Variants in KCNH1 observed in about 807,000 individuals in gnomAD.
KCNH1 encodes the protein potassium voltage-gated channel subfamily H member 1.
Under a neutral mutation model 69.2 loss-of-function variants are expected in KCNH1, and 27 were observed. The ratio of observed to expected loss-of-function variants is 0.39; its 90% CI spans 0.29 to 0.54. KCNH1 has a LOEUF of 0.54. KCNH1 is among the 20% of genes least tolerant of loss of function. The pLI is 0.68. For missense variants in KCNH1, 798 were observed against 1,261.6 expected, an observed-to-expected ratio of 0.63 and a Z score of 5.57; for synonymous variants, 456 against 487.7, an observed-to-expected ratio of 0.93 and a Z score of 0.86.
intron 6 of KCNH1, among the ~76,000 whole-genome samples, chr1:210,969,342 T>C (rs1688469761): frequency 6.6e-6 from 1 of 152,060 alleles, no homozygotes; most frequent in Non-Finnish European, 1.5e-5. Context: ...ATAAAAACTT[T>C]TTATATAAAA....
intron 5 of KCNH1, among the ~76,000 whole-genome samples, chr1:211,074,212 A>C (rs1264829939): frequency 6.6e-6 from 1 of 151,762 alleles, no homozygotes; most frequent in Non-Finnish European, 1.5e-5. Flanking sequence ...ACTGTATGTT[A>C]CATTAGAAGG....
At chr1:211,055,815 G>A (rs1180231943) in intron 5 of KCNH1, among the ~76,000 whole-genome samples, 1 of 152,224 alleles carries the variant, frequency 6.6e-6, no homozygotes, top group Non-Finnish European at 1.5e-5. Context: ...CCATGGGCCA[G>A]AAGGGAACCT....
chr1:210,940,747 G>A (rs1228131448), intron 6 of KCNH1, among the ~76,000 whole-genome samples: 2 of 152,134 alleles, frequency 1.3e-5, no homozygotes, highest in Admixed American at 6.5e-5. Context: ...ACACAGAAAA[G>A]AGAATCTGGT....
chr1:210,792,526 C>G (rs1195782069), intron 9 of KCNH1, among the ~76,000 whole-genome samples: 2 of 152,032 alleles, frequency 1.3e-5, no homozygotes, highest in African/African-American at 4.8e-5. Context: ...GTGTGATAGG[C>G]TTAATAGAAA....
At chr1:210,730,226 G>T (rs530543958) in intron 10 of KCNH1, among the ~76,000 whole-genome samples, 1 of 152,106 alleles carries the variant, frequency 6.6e-6, no homozygotes, top group Non-Finnish European at 1.5e-5. Context: ...CAAAGCTGCC[G>T]GCAGGAACTA....
At chr1:210,963,315 C>T (rs1688332990) in intron 6 of KCNH1, among the ~76,000 whole-genome samples, 1 of 152,074 alleles carries the variant, frequency 6.6e-6, no homozygotes, top group South Asian at 2.1e-4. Context: ...GTAGATAAAT[C>T]CACGAAGATG....
chr1:211,008,824 C>T (rs1221498995), intron 6 of KCNH1, among the ~76,000 whole-genome samples: 4 of 152,140 alleles, frequency 2.6e-5, no homozygotes, highest in Non-Finnish European at 4.4e-5. Flanking sequence ...TTTTGTACCT[C>T]AGTTTTTTAA....
At chr1:210,859,513 T>C in intron 7 of KCNH1, 2 of 1,600,942 alleles carry the variant, frequency 1.2e-6, no homozygotes, top group Admixed American at 1.7e-5. Flanking sequence ...ATCATCTCCA[T>C]CTTCACCTGC....
intron 7 of KCNH1, 49 bp from the exon 8 acceptor site, chr1:210,804,215 C>G (rs565446111): frequency 6.6e-7 from 1 of 1,506,740 alleles, no homozygotes; most frequent in South Asian, 1.2e-5. Context: ...GTTAGTGGTC[C>G]CTGAGCCAGG....
At chr1:210,694,563 C>G (rs115354421) in intron 10 of KCNH1, among the ~76,000 whole-genome samples, 2,577 of 152,318 alleles carry the variant, frequency 0.017, 35 homozygotes, top group Middle Eastern at 0.031. Context: ...AAGAAACTCT[C>G]AGCCAGTGAG....
intron 5 of KCNH1, among the ~76,000 whole-genome samples, chr1:211,036,349 G>A (rs1053795025): frequency 4.6e-5 from 7 of 152,134 alleles, no homozygotes; most frequent in African/African-American, 1.7e-4. Context: ...CCTGAGAAAA[G>A]GACTCAGATA....
intron 6 of KCNH1, among the ~76,000 whole-genome samples, chr1:211,012,343 A>G (rs557687257): frequency 2.6e-5 from 4 of 152,174 alleles, no homozygotes; most frequent in Non-Finnish European, 5.9e-5. Context: ...GCAGAAGGAA[A>G]TCCCAGAACA....
At chr1:211,060,810 C>A (rs1690421752) in intron 5 of KCNH1, among the ~76,000 whole-genome samples, 1 of 151,972 alleles carries the variant, frequency 6.6e-6, no homozygotes. Context: ...GAGATCAAAG[C>A]CATAATAAAA....
intron 7 of KCNH1, among the ~76,000 whole-genome samples, chr1:210,908,395 G>A (rs150919574): frequency 9.9e-5 from 15 of 152,236 alleles, no homozygotes; most frequent in Admixed American, 5.9e-4. Flanking sequence ...GGCTGCCAGC[G>A]CCTGCATGTG....
rs903612518 is a variant in KCNH1, at chr1:211,059,729, C to T, written c.558+23051G>A. Among the ~76,000 whole-genome samples, 7 of 150,206 alleles carry T rather than the reference C, an allele frequency of 4.7e-5. No individual in the cohort carries two copies. In the East Asian group the frequency reaches 7.9e-4, roughly 17 times the overall value. ...CTGCACTCCAGCCTGGGCGACAGAGCGAGACTCCATCTCAAGAAAAAAAGA... is the reference window on the plus strand; with the variant it reads ...CTGCACTCCAGCCTGGGCGACAGAGTGAGACTCCATCTCAAGAAAAAAAGA... On this transcript the variant is annotated intron_variant, in intron 5 of 10. Transcript: ENST00000271751.
intron 1 of KCNH1, among the ~76,000 whole-genome samples, chr1:211,130,042 G>C (rs1691849195): frequency 6.6e-6 from 1 of 152,152 alleles, no homozygotes; most frequent in South Asian, 2.1e-4. Flanking sequence ...TTCTAAGACA[G>C]ATCTCCTATT....
chr1:210,939,394 C>T (rs1687838967), intron 6 of KCNH1, among the ~76,000 whole-genome samples: 1 of 152,144 alleles, frequency 6.6e-6, no homozygotes, highest in Non-Finnish European at 1.5e-5. Context: ...GAAAACTCTT[C>T]ACTGAGATGT....
intron 1 of KCNH1, among the ~76,000 whole-genome samples, chr1:211,118,807 A>T (rs1050638395): frequency 1.3e-5 from 2 of 152,158 alleles, no homozygotes; most frequent in Non-Finnish European, 2.9e-5. Flanking sequence ...AATTACGACA[A>T]ATAACAAAGG....
At position 210,680,787 on chromosome 1, in the gene KCNH1, CTGCCGCAG is replaced by C. The variant is rs1681245597; in HGVS notation, c.*2486_*2493del. 1 of 152,250 alleles carries C rather than the reference CTGCCGCAG, an allele frequency of 6.6e-6. No individual in the cohort carries two copies. The highest frequency in any genetic ancestry group is 1.5e-5 in the Non-Finnish European group (1 of 68,064). 9.4% of individuals were successfully genotyped at this position (152,250 alleles called of 1,614,324 possible). A position where few individuals can be genotyped will look rare whatever the true frequency, so the allele number is the denominator to read the frequency against. ...CCTGTGACCCAAGATGAACAGATTC[CTGCCGCAG>C]GAGCTGGCTTCCAGTCATGAGCCCA... On this transcript the variant is annotated 3_prime_UTR_variant, in exon 11 of 11. Coordinates refer to ENST00000271751, the MANE Select transcript of KCNH1 (RefSeq NM_172362.3).
Sources: gnomAD v4.1 joint callset for allele counts (sites outside exome capture counted in the v4.1 genomes callset) on GRCh38, gnomAD v4.1.1 for gene constraint, MANE v1.5 for transcripts, NCBI Gene and HGNC (gene_info 2026-07-23, HGNC 2026-07-21) for gene names.